The following CANX variants were observed in gnomAD, a reference collection of about 807,000 sequenced individuals.
The protein encoded by CANX is calnexin, also known as epididymis secretory sperm binding protein.
A neutral mutation model predicts 75.7 loss-of-function variants in CANX; 14 were observed. The observed-to-expected ratio is 0.19, with a 90% CI of 0.12 to 0.29. CANX has a LOEUF of 0.29. Ranked by LOEUF, CANX falls within the 10% of genes least tolerant of loss-of-function variation. The pLI is 1.00. For missense variants in CANX, 567 were observed against 713.2 expected, an observed-to-expected ratio of 0.79 and a Z score of 2.34; for synonymous variants, 227 against 236.9, an observed-to-expected ratio of 0.96 and a Z score of 0.38.
At chr5:179,716,871 A>T (rs1169081050) in intron 8 of CANX, among the ~76,000 whole-genome samples, 1 of 152,204 alleles carries the variant, frequency 6.6e-6, no homozygotes, top group African/African-American at 2.4e-5. Context: ...GGCAAATCAG[A>T]TTGAGACTTG....
chr5:179,726,723 C>T lies in CANX; in HGVS notation c.1689C>T (p.Val563=). ...KSDAEEDGGT[V]SQEEEDRKPK... ...ATGCTGAAGAAGATGGTGGCACTGT[C>T]AGTCAAGAGGAGGAAGACAGAAAAC... The change falls in exon 14 of 15, where the codon GTC becomes GTT. Residue 563 remains valine (V), a synonymous_variant. Coordinates refer to ENST00000247461, the MANE Select transcript of CANX (RefSeq NM_001746.4). 6.2e-7 allele frequency: 1 copy of T among 1,613,690 alleles called. No individual in the cohort carries two copies. Among genetic ancestry groups the T allele is most frequent in the Non-Finnish European group, 8.5e-7 (1 of 1,179,678 alleles).
At chr5:179,712,747 G>A (rs1342566242) in intron 7 of CANX, among the ~76,000 whole-genome samples, 15 of 150,598 alleles carry the variant, frequency 1.0e-4, no homozygotes, top group Admixed American at 5.3e-4. Flanking sequence ...TTTTTGAGGC[G>A]GAGTATTGCT....
chr5:179,724,648 A>G lies in CANX; in HGVS notation c.1519-9A>G. The G allele has an allele frequency of 6.2e-7, 1 of 1,610,450 alleles. No individual in the cohort carries two copies. Among genetic ancestry groups the G allele is most frequent in the Non-Finnish European group, 8.5e-7 (1 of 1,178,114 alleles). ...TGTAAACAAAATTGTACTTTGGGGA[A>G]CATTTCAGAAACAGACCAGTGGTAT... is the stretch of plus-strand genomic sequence containing the variant. On this transcript the variant is annotated splice_polypyrimidine_tract_variant and intron_variant, in intron 12 of 14. Transcript: ENST00000247461.
chr5:179,719,168 C>G (rs193161216), intron 8 of CANX, among the ~76,000 whole-genome samples: 2 of 152,292 alleles, frequency 1.3e-5, no homozygotes, highest in East Asian at 3.9e-4. Context: ...TGGTAACTAA[C>G]TTTTTGAGAA....
In CANX at chr5:179,729,896, T is replaced by C. The variant is rs932315021; in HGVS notation, c.*1252T>C. 6.6e-6 allele frequency: 1 copy of C among 152,642 alleles called. No homozygotes were observed. The allele number at this position is 152,642 out of a possible 1,614,324, so 9.5% of individuals were successfully genotyped here. A position where few individuals can be genotyped will look rare whatever the true frequency, so the allele number is the denominator to read the frequency against. Reference sequence around the variant, plus strand: ...GTTATCTGATTTTTTTTGTAGCTGCTATATATTTTAAGCCTTCATTTGCAA... The same window carrying C: ...GTTATCTGATTTTTTTTGTAGCTGCCATATATTTTAAGCCTTCATTTGCAA... On this transcript the variant is annotated 3_prime_UTR_variant, in exon 15 of 15. Transcript: ENST00000247461.
chr5:179,728,036 A>G (rs1357800598), intron 14 of CANX, among the ~76,000 whole-genome samples: 1 of 152,218 alleles, frequency 6.6e-6, no homozygotes, highest in East Asian at 1.9e-4. Flanking sequence ...TTCCATGGAT[A>G]TGTTCTGTCT....
chr5:179,716,650 CT>C (rs1777971638), intron 8 of CANX, among the ~76,000 whole-genome samples: 1 of 152,160 alleles, frequency 6.6e-6, no homozygotes, highest in Admixed American at 6.6e-5. Flanking sequence ...GAAAAATAAC[CT>C]TTTTCCTATT....
chr5:179,684,931 T>G (rs1400135626), intron 1 of CANX, among the ~76,000 whole-genome samples: 1 of 120,378 alleles, frequency 8.3e-6, no homozygotes, highest in Non-Finnish European at 1.8e-5. Flanking sequence ...TTTGTATTTT[T>G]TTTTTTTTTT....
At chr5:179,702,725 C>T (rs1046586685) in intron 1 of CANX, among the ~76,000 whole-genome samples, 1 of 152,118 alleles carries the variant, frequency 6.6e-6, no homozygotes, top group Non-Finnish European at 1.5e-5. Flanking sequence ...GGCAGTCTTA[C>T]TCTGTTGCCC....
At chr5:179,706,731 A>G (rs1777165663) in intron 3 of CANX, among the ~76,000 whole-genome samples, 2 of 152,186 alleles carry the variant, frequency 1.3e-5, no homozygotes, top group Non-Finnish European at 2.9e-5. Flanking sequence ...TGTTGGCATT[A>G]CAGGCATGAG....
At chr5:179,689,987 G>A (rs758420185) in intron 1 of CANX, among the ~76,000 whole-genome samples, 8 of 152,142 alleles carry the variant, frequency 5.3e-5, no homozygotes, top group Non-Finnish European at 1.0e-4. Context: ...GTCCCAACAG[G>A]TCTGAATTGA....
rs914959743 is a variant in CANX, at chr5:179,699,005, G to T, written c.-101G>T. 8.9e-7 allele frequency: 1 copy of T among 1,120,306 alleles called. No homozygotes were observed. The highest frequency in any genetic ancestry group is 1.1e-6 in the Non-Finnish European group (1 of 909,644). The allele number at this position is 1,120,306 out of a possible 1,614,324, so 69.4% of individuals were successfully genotyped here. A position where few individuals can be genotyped will look rare whatever the true frequency, so the allele number is the denominator to read the frequency against. The stretch of plus-strand genomic sequence containing the variant: ...GCCTCTTGGTTCTGCGGCACGTGAC[G>T]GTCGGGCCGCCTCCGCCTCTCTCTT... On this transcript the variant is annotated 5_prime_UTR_variant, in exon 1 of 15. Transcript: ENST00000247461.
intron 1 of CANX, chr5:179,701,066 C>T (rs964314603): frequency 2.0e-4 from 31 of 152,108 alleles, no homozygotes; most frequent in African/African-American, 7.5e-4. Context: ...CGGGGTTTCA[C>T]CGTGTTAGCC....
At chr5:179,696,267 CTTTTTTTTTT>C (rs34048949), upstream of CANX, among the ~76,000 whole-genome samples, 7 of 56,730 alleles carry the variant, frequency 1.2e-4, no homozygotes, top group Non-Finnish European at 1.5e-4. Flanking sequence ...AGTGTCATTT[CTTTTTTTTTT>C]TTTTTTTTTT....
upstream of CANX, chr5:179,698,932 G>A (rs1776522866): frequency 7.9e-6 from 9 of 1,138,690 alleles, no homozygotes; most frequent in Non-Finnish European, 9.8e-6. Context: ...CGGGCACAGG[G>A]CCGGGCTTCG....
rs1238535070 is a variant in CANX at position 179,705,822 on chromosome 5, A to G, written c.141A>G (p.Pro47=). The change falls in exon 2 of 15, where the codon CCA becomes CCG. Residue 47 remains proline, a synonymous_variant. Coordinates refer to ENST00000247461, the MANE Select transcript of CANX (RefSeq NM_001746.4). ...TTGAAGAGGTAGAAGACTCAAAACCAGATACCACTGCTCCTCCTTCATCTC... is the reference window on the plus strand; with the variant it reads ...TTGAAGAGGTAGAAGACTCAAAACCGGATACCACTGCTCCTCCTTCATCTC... ...DVIEEVEDSK[P]DTTAPPSSPK... is the part of the protein sequence containing the mutation. 2 of 1,613,670 alleles carry G rather than the reference A, an allele frequency of 1.2e-6. No homozygotes were observed. The highest frequency in any genetic ancestry group is 2.7e-5 in the African/African-American group (2 of 74,916).
chr5:179,700,640 C>T (rs1776673648), intron 1 of CANX: 1 of 153,216 alleles, frequency 6.5e-6, no homozygotes, highest in Non-Finnish European at 1.5e-5. Context: ...TCCCCGACAC[C>T]TTACTATCCT....
chr5:179,678,711 C>T (rs1249645386), exon 1 of CANX: 4 of 1,536,984 alleles, frequency 2.6e-6, no homozygotes, highest in African/African-American at 2.7e-5. Context: ...CGCTGCTTCT[C>T]CAGCAAGTGC....
At chr5:179,692,402 C>A (rs532703875) in intron 1 of CANX, among the ~76,000 whole-genome samples, 2 of 152,102 alleles carry the variant, frequency 1.3e-5, no homozygotes, top group South Asian at 4.1e-4. Context: ...CCAAAAAGAG[C>A]CCCCGGTTTA....
Sources: allele counts gnomAD v4.1 joint callset (sites outside exome capture counted in the v4.1 genomes callset), GRCh38; gene constraint gnomAD v4.1.1; transcripts MANE v1.5; gene names NCBI Gene and HGNC (gene_info 2026-07-23, HGNC 2026-07-21).